The following THSD1 variants were observed in gnomAD, a reference collection of about 807,000 sequenced individuals.
The protein encoded by THSD1 is thrombospondin type-1 domain-containing protein 1.
In THSD1, 34 loss-of-function variants were observed where a neutral mutation model predicts 46.3. That is an observed-to-expected ratio of 0.74 (90% CI 0.56 to 0.98). The LOEUF is 0.98. Among genes scored for constraint, THSD1 ranks in the 50% least tolerant of loss-of-function variants. THSD1 has a pLI of 0.00. For synonymous variants in THSD1, 407 were observed against 416.5 expected, an observed-to-expected ratio of 0.98 and a Z score of 0.28; for missense variants, 1,023 against 1,058.3, an observed-to-expected ratio of 0.97 and a Z score of 0.46.
In THSD1 at chr13:52,378,454, G is replaced by T. The variant is rs935960009; in HGVS notation, c.1516C>A (p.Pro506Thr). ...LTYRRSGPVP[P>T]EDDASGSESF... ...TCGCTGCCAGAGGCATCATCCTCGG[G>T]AGGTACCGGCCCGCTCCGCCTGTAG... The change falls in exon 5 of 5, where the codon CCC (proline) becomes ACC (threonine). Residue 506 changes from proline (P) to threonine (T), a missense_variant. Physicochemically the swap from Pro to Thr is conservative, Grantham distance 38. Coordinates refer to ENST00000258613, the MANE Select transcript of THSD1 (RefSeq NM_018676.4). 1.9e-6 allele frequency: 3 copies of T among 1,614,078 alleles called. No homozygotes were observed. Among genetic ancestry groups the T allele is most frequent in the Non-Finnish European group, 2.5e-6 (3 of 1,180,054 alleles).
intron 4 of THSD1, among the ~76,000 whole-genome samples, chr13:52,384,852 A>G (rs1305081777): frequency 6.6e-6 from 1 of 152,112 alleles, no homozygotes; most frequent in African/African-American, 2.4e-5. Context: ...GGACAACAGT[A>G]TATCACTGAA....
At chr13:52,385,773 C>T (rs1957726472) in intron 4 of THSD1, among the ~76,000 whole-genome samples, 1 of 152,164 alleles carries the variant, frequency 6.6e-6, no homozygotes. Context: ...ATGTCTGAAT[C>T]CTTAATATTT....
intron 3 of THSD1, among the ~76,000 whole-genome samples, chr13:52,392,459 T>A (rs1957780965): frequency 6.6e-6 from 1 of 152,212 alleles, no homozygotes; most frequent in South Asian, 2.1e-4. Flanking sequence ...ATAACTGTAG[T>A]TCATATGTTA....
At position 52,386,141 on chromosome 13, in the gene THSD1, C is replaced by T. The variant is rs1957728690; in HGVS notation, c.1067G>A (p.Cys356Tyr). Residue 356 changes from cysteine (C) to tyrosine (Y), a missense_variant, in exon 4 of 5, where the codon TGT becomes TAT. Physicochemically the swap from Cys to Tyr is radical, Grantham distance 194 (BLOSUM62 -2). Transcript: ENST00000258613. Reference sequence around the variant, plus strand: ...GCGACGCTCTCTGACACCATCCCCACATGTGGCACTACACTGGCTCCATGG... The same window carrying T: ...GCGACGCTCTCTGACACCATCCCCATATGTGGCACTACACTGGCTCCATGG... ...WQPWSQCSATCGDGVRERRRV... is the reference protein window; with the variant it reads ...WQPWSQCSATYGDGVRERRRV... 4 of 1,614,222 alleles carry T rather than the reference C, an allele frequency of 2.5e-6. No individual in the cohort carries two copies. The highest frequency in any genetic ancestry group is 3.4e-6 in the Non-Finnish European group (4 of 1,180,044).
rs772247499 is a variant in THSD1, at chr13:52,377,763, C to T, written c.2207G>A (p.Arg736Lys). Residue 736 changes from arginine (R) to lysine (K), a missense_variant, in exon 5 of 5, where the codon AGG (arginine) becomes AAG (lysine). This residue lies in a region of THSD1 where 578 missense variants were observed against 497.4 expected (regional missense o/e 1.16). Coordinates refer to ENST00000258613, the MANE Select transcript of THSD1 (RefSeq NM_018676.4). ...PKSYTLGQPL[R>K]KPDLGDHQAG... Reference sequence around the variant, plus strand: ...CTGGTGATCCCCAAGGTCTGGTTTCCTCAAGGGCTGCCCCAAAGTGTAGGA... The same window carrying T: ...CTGGTGATCCCCAAGGTCTGGTTTCTTCAAGGGCTGCCCCAAAGTGTAGGA... 1.2e-6 allele frequency: 2 copies of T among 1,614,154 alleles called. No individual in the cohort carries two copies. The highest frequency in any genetic ancestry group is 2.7e-5 in the African/African-American group (2 of 75,048).
At chr13:52,386,420 G>A (rs1800106286) in intron 3 of THSD1, among the ~76,000 whole-genome samples, 1 of 152,044 alleles carries the variant, frequency 6.6e-6, no homozygotes, top group African/African-American at 2.4e-5. Context: ...GAGGTCGCAG[G>A]ACAACTAACT....
chr13:52,402,717 C>CA, intron 1 of THSD1, 36 bp from the exon 2 acceptor site: 3 of 1,482,096 alleles, frequency 2.0e-6, no homozygotes, highest in Non-Finnish European at 2.7e-6. Flanking sequence ...TGGCTCCGTT[C>CA]AATGTGATTG....
chr13:52,404,227 T>A (rs1957889852), intron 1 of THSD1, among the ~76,000 whole-genome samples: 1 of 152,200 alleles, frequency 6.6e-6, no homozygotes, highest in African/African-American at 2.4e-5. Context: ...ATTACAGGCG[T>A]GAGCCACCAC....
intron 3 of THSD1, among the ~76,000 whole-genome samples, chr13:52,391,141 T>A (rs1957770146): frequency 6.6e-6 from 1 of 152,118 alleles, no homozygotes; most frequent in African/African-American, 2.4e-5. Context: ...ATGCAGAGTA[T>A]GTTTTGGTGG....
At chr13:52,396,446 C>T (rs909334746) in intron 3 of THSD1, among the ~76,000 whole-genome samples, 1 of 151,986 alleles carries the variant, frequency 6.6e-6, no homozygotes, top group African/African-American at 2.4e-5. Flanking sequence ...GGCATGAACC[C>T]GGGAGGCAGA....
intron 3 of THSD1, among the ~76,000 whole-genome samples, chr13:52,391,797 C>T (rs1358914763): frequency 6.6e-6 from 1 of 151,978 alleles, no homozygotes; most frequent in African/African-American, 2.4e-5. Flanking sequence ...CCCACCTCGG[C>T]CTCTCAAAGT....
intron 3 of THSD1, among the ~76,000 whole-genome samples, chr13:52,391,799 T>C (rs1446344365): frequency 6.6e-6 from 1 of 151,946 alleles, no homozygotes; most frequent in South Asian, 2.1e-4. Flanking sequence ...CACCTCGGCC[T>C]CTCAAAGTGC....
chr13:52,399,011 G>A (rs187666808), intron 2 of THSD1, among the ~76,000 whole-genome samples: 1 of 152,344 alleles, frequency 6.6e-6, no homozygotes, highest in Non-Finnish European at 1.5e-5. Flanking sequence ...CAGTTTGTAT[G>A]AGGCAGACAT....
intron 3 of THSD1, among the ~76,000 whole-genome samples, chr13:52,394,548 A>G (rs1322464240): frequency 5.3e-5 from 8 of 150,714 alleles, no homozygotes; most frequent in Admixed American, 4.7e-4. Flanking sequence ...TGGGAGGTGG[A>G]GTTTGCAGTG....
chr13:52,401,068 G>A (rs1336254327), intron 2 of THSD1, among the ~76,000 whole-genome samples: 3 of 151,956 alleles, frequency 2.0e-5, no homozygotes, highest in African/African-American at 4.8e-5. Context: ...TCCGCCTCCC[G>A]GGTTCAAGTG....
chr13:52,388,556 G>A (rs1566964681), intron 3 of THSD1, among the ~76,000 whole-genome samples: 3 of 152,098 alleles, frequency 2.0e-5, no homozygotes, highest in Non-Finnish European at 2.9e-5. Flanking sequence ...TCAGCTCACC[G>A]CAACCTCCAC....
intron 1 of THSD1, among the ~76,000 whole-genome samples, chr13:52,403,520 C>T (rs151146111): frequency 0.021 from 3,198 of 152,284 alleles, 56 homozygotes; most frequent in Middle Eastern, 0.071. Flanking sequence ...CTCACTCTGT[C>T]GCCTAGGCTG....
In THSD1 at chr13:52,378,273, G is replaced by T; in HGVS notation, c.1697C>A (p.Ala566Glu). ...QSPLTDTAID[A>E]APSAPLDLES... is the part of the protein sequence containing the mutation. ...CAAATCTAAGGGAGCGCTGGGGGCC[G>T]CATCAATGGCAGTGTCTGTCAGGGG... The change falls in exon 5 of 5, where the codon GCG (alanine) becomes GAG (glutamate). Residue 566 changes from alanine (A) to glutamate (E), a missense_variant. Around this residue, in one of 3 missense-constraint regions of THSD1, gnomAD observed 578 missense variants for 497.4 expected, o/e 1.16. Coordinates refer to ENST00000258613, the MANE Select transcript of THSD1 (RefSeq NM_018676.4). 1 of 1,614,214 alleles carries T rather than the reference G, an allele frequency of 6.2e-7. No homozygotes were observed. The highest frequency in any genetic ancestry group is 8.5e-7 in the Non-Finnish European group (1 of 1,180,038).
At chr13:52,404,529 G>C (rs929448365) in intron 1 of THSD1, among the ~76,000 whole-genome samples, 1 of 152,144 alleles carries the variant, frequency 6.6e-6, no homozygotes, top group Non-Finnish European at 1.5e-5. Context: ...GAAAAGAAAG[G>C]AAAGAAGAAG....
Sources: allele counts gnomAD v4.1 joint callset (sites outside exome capture counted in the v4.1 genomes callset), GRCh38; gene constraint gnomAD v4.1.1; regional missense constraint gnomAD v4.1.1; transcripts MANE v1.5; gene names NCBI Gene and HGNC (gene_info 2026-07-23, HGNC 2026-07-21).